The following MREG variants were observed in gnomAD, a reference collection of about 807,000 sequenced individuals.
The protein encoded by MREG is dilute suppressor protein homolog.
A neutral mutation model predicts 28.5 loss-of-function variants in MREG; 31 were observed. That is an observed-to-expected ratio of 1.09 (90% CI 0.82 to 1.47). The LOEUF (loss-of-function observed/expected upper bound fraction) is 1.47, where lower values mean the gene tolerates loss of function less well. MREG is among the 40% of genes most tolerant of loss of function. The pLI is 0.00. For missense variants in MREG, 256 were observed against 257.4 expected, an observed-to-expected ratio of 0.99 and a Z score of 0.04; for synonymous variants, 106 against 95.2, an observed-to-expected ratio of 1.11 and a Z score of -0.66.
At chr2:216,005,078 T>G (rs572209412) in intron 1 of MREG, among the ~76,000 whole-genome samples, 6 of 152,254 alleles carry the variant, frequency 3.9e-5, no homozygotes, top group Admixed American at 2.0e-4. Flanking sequence ...TAATTTCACC[T>G]TATATGCTGA....
At chr2:215,950,858 G>A (rs573344663) in intron 2 of MREG, among the ~76,000 whole-genome samples, 1 of 152,278 alleles carries the variant, frequency 6.6e-6, no homozygotes, top group Admixed American at 6.5e-5. Context: ...CCCATGTGTT[G>A]AAGGAGGGGC....
At chr2:215,997,822 G>C (rs1421470779) in intron 1 of MREG, among the ~76,000 whole-genome samples, 1 of 152,180 alleles carries the variant, frequency 6.6e-6, no homozygotes, top group African/African-American at 2.4e-5. Flanking sequence ...GCCTGGGGTG[G>C]AAGGAAACAG....
chr2:215,998,564 G>A (rs1300746252), intron 1 of MREG, among the ~76,000 whole-genome samples: 1 of 152,110 alleles, frequency 6.6e-6, no homozygotes, highest in Non-Finnish European at 1.5e-5. Flanking sequence ...TGCAGATGAT[G>A]GGAAATCAGA....
At chr2:215,949,310 A>T (rs185232352) in intron 2 of MREG, among the ~76,000 whole-genome samples, 88 of 151,396 alleles carry the variant, frequency 5.8e-4, no homozygotes, top group South Asian at 1.3e-3. Flanking sequence ...CTATAATCCC[A>T]GCACTTTGGG....
At position 215,984,087 on chromosome 2, in the gene MREG, A is replaced by T. The variant is rs185021527; in HGVS notation, c.255+12219T>A. On this transcript the variant is annotated intron_variant, in intron 2 of 4. Coordinates refer to ENST00000263268, the MANE Select transcript of MREG (RefSeq NM_018000.3). ...AGTTCCACGTGGCTGGGGAAGCCTCACAATCATGGCAGAAGGCAAGGAGGA... is the reference window on the plus strand; with the variant it reads ...AGTTCCACGTGGCTGGGGAAGCCTCTCAATCATGGCAGAAGGCAAGGAGGA... 5.1e-4 allele frequency among the ~76,000 whole-genome samples: 77 copies of T among 152,316 alleles called. 1 individual carries two copies. The East Asian group carries it at 0.014, about 29-fold the overall frequency.
At chr2:215,972,786 A>AAAC (rs570707114) in intron 2 of MREG, among the ~76,000 whole-genome samples, 224 of 152,278 alleles carry the variant, frequency 1.5e-3, no homozygotes, top group African/African-American at 5.2e-3. Context: ...GTTTTTTAAA[A>AAAC]AACAACAACA....
intron 2 of MREG, among the ~76,000 whole-genome samples, chr2:215,968,940 G>A (rs1374661776): frequency 1.3e-5 from 2 of 152,122 alleles, no homozygotes; most frequent in African/African-American, 2.4e-5. Context: ...TTTATTTTTA[G>A]TAGAGATGAG....
At chr2:216,031,611 G>T (rs1054008177) in intron 1 of MREG, among the ~76,000 whole-genome samples, 7 of 122,738 alleles carry the variant, frequency 5.7e-5, no homozygotes, top group Admixed American at 9.1e-5. Flanking sequence ...AAAGAAGGAA[G>T]AAAAGAAAGA....
chr2:216,023,238 T>C (rs904078263), intron 1 of MREG, among the ~76,000 whole-genome samples: 2 of 152,234 alleles, frequency 1.3e-5, no homozygotes, highest in African/African-American at 4.8e-5. Context: ...TGCTGCCACC[T>C]CCTGGCATCC....
At chr2:215,954,012 C>T (rs1318963740) in intron 2 of MREG, among the ~76,000 whole-genome samples, 1 of 152,228 alleles carries the variant, frequency 6.6e-6, no homozygotes, top group Admixed American at 6.5e-5. Context: ...CCAGAAGTGT[C>T]TTAGGCAATG....
In MREG at chr2:215,972,883, C is replaced by T. The variant is rs186130847; in HGVS notation, c.255+23423G>A. 9.2e-5 allele frequency among the ~76,000 whole-genome samples: 14 copies of T among 152,226 alleles called. No individual in the cohort carries two copies. The East Asian group carries it at 1.7e-3, about 19-fold the overall frequency. Reference sequence around the variant, plus strand: ...AATTGGAGAGCAGGTTAAATTCATCCGCCATTCACACCCCTCACTGAATTC... The same window carrying T: ...AATTGGAGAGCAGGTTAAATTCATCTGCCATTCACACCCCTCACTGAATTC... On this transcript the variant is annotated intron_variant, in intron 2 of 4. Coordinates refer to ENST00000263268, the MANE Select transcript of MREG (RefSeq NM_018000.3).
At chr2:216,003,480 C>T (rs1375768848) in intron 1 of MREG, among the ~76,000 whole-genome samples, 1 of 152,122 alleles carries the variant, frequency 6.6e-6, no homozygotes, top group Non-Finnish European at 1.5e-5. Context: ...CTTGGTGTCT[C>T]CTCTGCTTTC....
chr2:215,972,763 C>A (rs948746949), intron 2 of MREG, among the ~76,000 whole-genome samples: 2 of 151,930 alleles, frequency 1.3e-5, no homozygotes, highest in Non-Finnish European at 2.9e-5. Flanking sequence ...GTCCATTATA[C>A]CTCAATAAAA....
rs985146908 is a variant in MREG at position 215,956,998 on chromosome 2, G to T, written c.256-9885C>A. ...TAACTTCCCCAAGCACACACAGCAGGTAAGTGAAAAGCTGGGATTTGAAAC... is the reference window on the plus strand; with the variant it reads ...TAACTTCCCCAAGCACACACAGCAGTTAAGTGAAAAGCTGGGATTTGAAAC... On this transcript the variant is annotated intron_variant, in intron 2 of 4. Transcript: ENST00000263268. Among the ~76,000 whole-genome samples, 3 of 152,164 alleles carry T rather than the reference G, an allele frequency of 2.0e-5. No individual in the cohort carries two copies. In the East Asian group the frequency reaches 5.8e-4, roughly 29 times the overall value.
At chr2:215,956,409 T>A (rs1350032246) in intron 2 of MREG, among the ~76,000 whole-genome samples, 2 of 152,226 alleles carry the variant, frequency 1.3e-5, no homozygotes, top group African/African-American at 4.8e-5. Context: ...CTGCCCTTTT[T>A]TGCAGATGCC....
intron 1 of MREG, among the ~76,000 whole-genome samples, chr2:216,004,616 C>A (rs1694104398): frequency 6.6e-6 from 1 of 151,826 alleles, no homozygotes; most frequent in South Asian, 2.1e-4. Context: ...TAAATATTTG[C>A]TGAACCAATG....
Position 216,020,712 on chromosome 2 carries a change from C to T in MREG, c.-68+12077G>A, listed in dbSNP as rs146742771. On this transcript the variant is annotated intron_variant, in intron 1 of 3. Transcript: ENST00000420348. ...AAACATCCATTGCACTTGGTAATAA[C>T]AGCTAGCGATGCACTGTTTCAAGCA... is the stretch of plus-strand genomic sequence containing the variant. 5.5e-3 allele frequency among the ~76,000 whole-genome samples: 844 copies of T among 152,316 alleles called. 5 individuals carry two copies. Among genetic ancestry groups the T allele is most frequent in the South Asian group, 0.013 (61 of 4,828 alleles).
chr2:215,996,559 A>T, intron 1 of MREG, 94 bp from the exon 2 acceptor site: 1 of 815,796 alleles, frequency 1.2e-6, no homozygotes, highest in Non-Finnish European at 1.9e-6. Flanking sequence ...ATTAAAACTT[A>T]TACTATGTAA....
chr2:216,020,168 G>C (rs1694500882), intron 1 of MREG, among the ~76,000 whole-genome samples: 1 of 152,106 alleles, frequency 6.6e-6, no homozygotes, highest in Non-Finnish European at 1.5e-5. Flanking sequence ...TAGCTATTAT[G>C]ACCTTTATCT....
Sources: gnomAD v4.1 joint callset for allele counts (sites outside exome capture counted in the v4.1 genomes callset) on GRCh38, gnomAD v4.1.1 for gene constraint, MANE v1.5 for transcripts, NCBI Gene and HGNC (gene_info 2026-07-23, HGNC 2026-07-21) for gene names.